Variants in PCDH11X observed in about 807,000 individuals in gnomAD.
PCDH11X encodes the protein protocadherin 11 X-linked.
Under a neutral mutation model 53.3 loss-of-function variants are expected in PCDH11X, and 18 were observed. That is an observed-to-expected ratio of 0.34 (90% CI 0.23 to 0.50). The LOEUF is 0.50. Among genes scored for constraint, PCDH11X ranks in the 20% least tolerant of loss-of-function variants. PCDH11X has a pLI of 0.98. For synonymous variants in PCDH11X, 279 were observed against 393.3 expected (o/e 0.71, Z 3.44); for missense variants, 570 against 1,032.4 (o/e 0.55, Z 6.14).
chrX:92,597,986 G>A (rs1346721916), intron 10 of PCDH11X, among the ~76,000 whole-genome samples: 1 of 111,645 alleles, frequency 9.0e-6, no homozygotes, highest in African/African-American at 3.3e-5. Flanking sequence ...GCTGAAGAAT[G>A]AGACTAGATC....
intron 8 of PCDH11X, among the ~76,000 whole-genome samples, chrX:92,283,291 T>C (rs1008700641): frequency 9.0e-6 from 1 of 111,279 alleles, no homozygotes; most frequent in African/African-American, 3.3e-5. Flanking sequence ...TCTTTCCTGT[T>C]GGTAAGAAAG....
intron 6 of PCDH11X, among the ~76,000 whole-genome samples, chrX:91,886,776 C>T (rs1182140533): frequency 9.2e-6 from 1 of 108,614 alleles, no homozygotes; most frequent in Admixed American, 1.0e-4. Flanking sequence ...TCGAGACCAT[C>T]CTGGCTAACA....
chrX:92,279,347 A>C (rs2068194202), intron 8 of PCDH11X, among the ~76,000 whole-genome samples: 1 of 112,172 alleles, frequency 8.9e-6, no homozygotes, highest in South Asian at 3.6e-4. Context: ...GCATCTCTTT[A>C]CTAACAAGAC....
At chrX:92,370,300 A>G (rs2070584791) in intron 8 of PCDH11X, among the ~76,000 whole-genome samples, 1 of 107,613 alleles carries the variant, frequency 9.3e-6, no homozygotes, top group Non-Finnish European at 1.9e-5. Context: ...CGTATTAATT[A>G]CTATTAGTTT....
chrX:92,590,168 C>A (rs982230432), intron 10 of PCDH11X, among the ~76,000 whole-genome samples: 2 of 109,844 alleles, frequency 1.8e-5, no homozygotes, highest in African/African-American at 6.7e-5. Context: ...ACCTGGCCAC[C>A]CCCACCCCTT....
chrX:92,267,705 T>C (rs2067863909), intron 8 of PCDH11X, among the ~76,000 whole-genome samples: 1 of 112,708 alleles, frequency 8.9e-6, no homozygotes, highest in African/African-American at 3.2e-5. Context: ...CTATCTTAGC[T>C]CATTTTCTGT....
chrX:91,876,294 T>C (rs1238646471), intron 5 of PCDH11X, among the ~76,000 whole-genome samples: 1 of 109,086 alleles, frequency 9.2e-6, no homozygotes, highest in Non-Finnish European at 1.9e-5. Flanking sequence ...TGCACCAAAA[T>C]CTCACAAATC....
At chrX:91,796,431 A>T (rs1435616448) in intron 1 of PCDH11X, among the ~76,000 whole-genome samples, 1 of 111,282 alleles carries the variant, frequency 9.0e-6, no homozygotes, top group Admixed American at 9.6e-5. Flanking sequence ...CTATATAGAT[A>T]AATTTTGAAA....
intron 7 of PCDH11X, among the ~76,000 whole-genome samples, chrX:92,235,130 A>G (rs868855749): frequency 2.5e-4 from 27 of 109,999 alleles, no homozygotes; most frequent in Middle Eastern, 9.4e-3. Flanking sequence ...ATAAAATTAC[A>G]TACGAATATG....
intron 10 of PCDH11X, among the ~76,000 whole-genome samples, chrX:92,520,451 G>C (rs773130969): frequency 1.0e-5 from 1 of 99,781 alleles, no homozygotes; most frequent in South Asian, 5.2e-4. Context: ...CAGAGTGGTG[G>C]TTGCTAAAGG....
Position 92,517,826 on chromosome X carries a change from A to G in PCDH11X, c.3367+49504A>G, listed in dbSNP as rs187166215. On this transcript the variant is annotated intron_variant, in intron 10 of 10. Transcript: ENST00000682573. ...TAAACTTTGGGTGAAATACTTCTTGAGCAATGCTACCTGATTCAATAAAGT... is the reference window on the plus strand; with the variant it reads ...TAAACTTTGGGTGAAATACTTCTTGGGCAATGCTACCTGATTCAATAAAGT... 2.8e-3 allele frequency among the ~76,000 whole-genome samples: 316 copies of G among 110,901 alleles called. 2 individuals carry two copies. The highest frequency in any genetic ancestry group is 9.8e-3 in the African/African-American group (302 of 30,708).
chrX:91,987,758 T>A (rs889778722), intron 6 of PCDH11X, among the ~76,000 whole-genome samples: 1 of 110,762 alleles, frequency 9.0e-6, no homozygotes, highest in Non-Finnish European at 1.9e-5. Flanking sequence ...TACCATGAAG[T>A]GACTTTTTTT....
chrX:92,432,549 T>A (rs1569485681), intron 9 of PCDH11X, among the ~76,000 whole-genome samples: 1 of 110,056 alleles, frequency 9.1e-6, no homozygotes, highest in East Asian at 2.9e-4. Flanking sequence ...CAGTGTTTCA[T>A]ATCAAGTAGG....
intron 6 of PCDH11X, among the ~76,000 whole-genome samples, chrX:91,902,654 C>T (rs750314482): frequency 1.0e-4 from 11 of 109,610 alleles, no homozygotes; most frequent in Middle Eastern, 9.4e-3. Flanking sequence ...ATCAAGTTCT[C>T]CTATAAACAT....
intron 10 of PCDH11X, among the ~76,000 whole-genome samples, chrX:92,535,509 C>T (rs551843242): frequency 1.8e-5 from 2 of 110,383 alleles, no homozygotes; most frequent in African/African-American, 6.6e-5. Context: ...AAACAGACAC[C>T]GGGGCATATC....
intron 6 of PCDH11X, among the ~76,000 whole-genome samples, chrX:91,963,264 A>C (rs1344642974): frequency 6.3e-5 from 7 of 111,143 alleles, no homozygotes; most frequent in Non-Finnish European, 1.1e-4. Flanking sequence ...TGAATACATA[A>C]AACTTAATGC....
chrX:92,499,086 T>C (rs1404678405), intron 10 of PCDH11X, among the ~76,000 whole-genome samples: 3 of 104,170 alleles, frequency 2.9e-5, no homozygotes, highest in African/African-American at 1.0e-4. Flanking sequence ...TCTTCCTAAA[T>C]CTATTAAATA....
intron 10 of PCDH11X, among the ~76,000 whole-genome samples, chrX:92,481,086 C>T (rs1273687978): frequency 9.0e-6 from 1 of 110,666 alleles, no homozygotes; most frequent in East Asian, 2.9e-4. Flanking sequence ...AGGCAGAGGT[C>T]CCCACTCAGG....
intron 8 of PCDH11X, among the ~76,000 whole-genome samples, chrX:92,316,542 A>G (rs929734047): frequency 2.7e-5 from 3 of 111,861 alleles, no homozygotes; most frequent in Middle Eastern, 4.6e-3. Flanking sequence ...TTATCCAATA[A>G]TTAATTCAGT....
Sources: gnomAD v4.1 joint callset for allele counts (sites outside exome capture counted in the v4.1 genomes callset) on GRCh38, gnomAD v4.1.1 for gene constraint, MANE v1.5 for transcripts, NCBI Gene and HGNC (gene_info 2026-07-23, HGNC 2026-07-21) for gene names.